ADGRL2: variants seen among roughly 807,000 people sequenced by gnomAD.
The protein encoded by ADGRL2 is calcium-independent alpha-latrotoxin receptor 2.
Under a neutral mutation model 157.4 loss-of-function variants are expected in ADGRL2, and 44 were observed. That is an observed-to-expected ratio of 0.28 (90% CI 0.22 to 0.36). The LOEUF (loss-of-function observed/expected upper bound fraction) is 0.36. Among genes scored for constraint, ADGRL2 ranks in the 10% least tolerant of loss-of-function variants. ADGRL2 has a pLI of 1.00. For missense variants in ADGRL2, 1,510 were observed against 1,768.9 expected (o/e 0.85, Z 2.63); for synonymous variants, 585 against 624.7 (o/e 0.94, Z 0.95).
At chr1:81,445,555 G>GTGT (rs2077582916) in intron 2 of ADGRL2, among the ~76,000 whole-genome samples, 1 of 152,188 alleles carries the variant, frequency 6.6e-6, no homozygotes, top group South Asian at 2.1e-4. Flanking sequence ...GTGGGCTGAA[G>GTGT]GGACTTAGAG....
At chr1:81,468,416 A>C (rs2078104339) in intron 2 of ADGRL2, among the ~76,000 whole-genome samples, 1 of 152,194 alleles carries the variant, frequency 6.6e-6, no homozygotes. Flanking sequence ...ATTCAGAATT[A>C]AACAAGCCTA....
chr1:81,872,950 A>G (rs74858325), intron 2 of ADGRL2, among the ~76,000 whole-genome samples: 2,233 of 152,256 alleles, frequency 0.015, 42 homozygotes, highest in African/African-American at 0.044. Context: ...TTTTTCAGCT[A>G]TATCAGCTTA....
chr1:81,396,366 A>G (rs1355898304), intron 1 of ADGRL2, among the ~76,000 whole-genome samples: 2 of 152,140 alleles, frequency 1.3e-5, no homozygotes, highest in African/African-American at 4.8e-5. Flanking sequence ...CAACTTTACT[A>G]AATTTGGTTA....
chr1:81,947,592 TGGCATAGCACC>T (rs1650301056), intron 6 of ADGRL2, among the ~76,000 whole-genome samples: 1 of 152,194 alleles, frequency 6.6e-6, no homozygotes, highest in East Asian at 1.9e-4. Context: ...GAATGGTGAT[TGGCATAGCACC>T]TAGCACATAA....
At chr1:81,412,382 A>T (rs577317932) in intron 1 of ADGRL2, among the ~76,000 whole-genome samples, 1 of 152,362 alleles carries the variant, frequency 6.6e-6, no homozygotes, top group South Asian at 2.1e-4. Context: ...GACACACTGC[A>T]TATACCATGC....
chr1:81,510,529 T>A (rs1348909897), intron 2 of ADGRL2, among the ~76,000 whole-genome samples: 2 of 152,128 alleles, frequency 1.3e-5, no homozygotes, highest in East Asian at 3.9e-4. Flanking sequence ...AAATGAGCCA[T>A]GATTGAAAAA....
intron 2 of ADGRL2, among the ~76,000 whole-genome samples, chr1:81,480,330 C>A (rs1021052162): frequency 6.6e-6 from 1 of 152,090 alleles, no homozygotes; most frequent in African/African-American, 2.4e-5. Context: ...GTATTTAGCA[C>A]AGTAAATAAT....
At chr1:81,320,044 T>A (rs1251705114) in intron 1 of ADGRL2, among the ~76,000 whole-genome samples, 2 of 152,230 alleles carry the variant, frequency 1.3e-5, no homozygotes, top group Admixed American at 1.3e-4. Context: ...TGCTGCTTTA[T>A]CAAGTAAGCT....
rs148163101 is a variant in ADGRL2, at chr1:81,462,250, G to A, written c.-248+17161G>A. 9.0e-3 allele frequency among the ~76,000 whole-genome samples: 1,368 copies of A among 152,310 alleles called. 9 individuals are homozygous for A. The highest frequency in any genetic ancestry group is 0.02 in the Middle Eastern group (6 of 294). ...TGAACCAATCAGCAGGACATGGGCC[G>A]TGCCAAATAAGAGAATAAGAGCTGG... On this transcript the variant is annotated intron_variant, in intron 2 of 24. Transcript: ENST00000370721.
At chr1:81,599,531 T>C (rs1557495026) in intron 3 of ADGRL2, among the ~76,000 whole-genome samples, 1 of 151,410 alleles carries the variant, frequency 6.6e-6, no homozygotes, top group East Asian at 2.0e-4. Context: ...AAGATTTTCA[T>C]GGTAGATGAA....
intron 3 of ADGRL2, among the ~76,000 whole-genome samples, chr1:81,592,496 T>C (rs1159101715): frequency 2.0e-5 from 3 of 152,170 alleles, no homozygotes; most frequent in East Asian, 3.8e-4. Flanking sequence ...ATAAGAGCCT[T>C]ATTGCCATCC....
chr1:81,541,121 T>C (rs2079873643), intron 2 of ADGRL2, among the ~76,000 whole-genome samples: 1 of 152,186 alleles, frequency 6.6e-6, no homozygotes, highest in African/African-American at 2.4e-5. Context: ...GGAAACCATA[T>C]CAATAATCTT....
At chr1:81,574,963 G>A (rs965347412) in intron 2 of ADGRL2, among the ~76,000 whole-genome samples, 1 of 152,198 alleles carries the variant, frequency 6.6e-6, no homozygotes, top group East Asian at 1.9e-4. Context: ...CAGCTGCAAA[G>A]TAGAGGCTAG....
At chr1:81,393,577 G>C (rs1209081983) in intron 1 of ADGRL2, among the ~76,000 whole-genome samples, 1 of 152,030 alleles carries the variant, frequency 6.6e-6, no homozygotes, top group Non-Finnish European at 1.5e-5. Context: ...AAGCATTGTT[G>C]TCTTGTTTTA....
intron 2 of ADGRL2, among the ~76,000 whole-genome samples, chr1:81,880,675 G>A (rs184606197): frequency 2.4e-5 from 3 of 123,712 alleles, no homozygotes; most frequent in East Asian, 2.7e-4. Context: ...ACCGCCCCCC[G>A]CCCCATTCCG....
intron 1 of ADGRL2, among the ~76,000 whole-genome samples, chr1:81,376,040 A>T (rs1570765608): frequency 6.6e-6 from 1 of 152,282 alleles, no homozygotes; most frequent in East Asian, 1.9e-4. Context: ...ACCAGCATCT[A>T]CCCTTAGGTG....
upstream of ADGRL2, among the ~76,000 whole-genome samples, chr1:81,797,371 C>T (rs2087640652): frequency 6.6e-6 from 1 of 152,048 alleles, no homozygotes; most frequent in African/African-American, 2.4e-5. Context: ...AATACACTCC[C>T]CATAATAGAT....
chr1:81,654,539 T>G (rs2148854189), intron 3 of ADGRL2, among the ~76,000 whole-genome samples: 1 of 152,282 alleles, frequency 6.6e-6, no homozygotes, highest in Non-Finnish European at 1.5e-5. Flanking sequence ...CACCACAAAT[T>G]TGTTGCAATC....
At chr1:81,984,546 T>C (rs370957000) in intron 19 of ADGRL2, 37 bp from the exon 20 acceptor site, 47 of 1,505,766 alleles carry the variant, frequency 3.1e-5, no homozygotes, top group Non-Finnish European at 4.2e-5. Context: ...GCAAGTGTGT[T>C]ATATTAATCC....
Sources: allele counts gnomAD v4.1 joint callset (sites outside exome capture counted in the v4.1 genomes callset), GRCh38; gene constraint gnomAD v4.1.1; transcripts MANE v1.5; gene names NCBI Gene and HGNC (gene_info 2026-07-23, HGNC 2026-07-21).